PILRB: variants seen among roughly 807,000 people sequenced by gnomAD.
PILRB encodes the protein paired immunoglobin like type 2 receptor beta, also known as paired immunoglobulin-like type 2 receptor beta.
Under a neutral mutation model 20.5 loss-of-function variants are expected in PILRB, and 21 were observed. That is an observed-to-expected ratio of 1.02 (90% CI 0.72 to 1.47). The LOEUF is 1.47. Among genes scored for constraint, PILRB ranks in the 40% most tolerant of loss-of-function variants. The pLI, the probability that PILRB is intolerant of heterozygous loss-of-function variation, is 0.00. For synonymous variants in PILRB, 133 were observed against 115.1 expected, an observed-to-expected ratio of 1.16 and a Z score of -0.99; for missense variants, 253 against 272.1, an observed-to-expected ratio of 0.93 and a Z score of 0.49.
chr7:100,366,874 G>A (rs1226224141), intron 3 of PILRB, among the ~76,000 whole-genome samples: 2 of 152,116 alleles, frequency 1.3e-5, no homozygotes, highest in East Asian at 3.9e-4. Context: ...TGCGGGGGCG[G>A]TTTCAGGAGA....
chr7:100,361,904 A>ACCTATG (rs1790538391), intron 3 of PILRB, among the ~76,000 whole-genome samples: 1 of 151,950 alleles, frequency 6.6e-6, no homozygotes, highest in Non-Finnish European at 1.5e-5. Flanking sequence ...GAGTGGAGAC[A>ACCTATG]GTCAGTATGA....
Position 100,359,444 on chromosome 7 carries a change from A to G in PILRB, c.562A>G (p.Thr188Ala), listed in dbSNP as rs995541931. The G allele has an allele frequency of 3.1e-6, 5 of 1,614,074 alleles. No homozygotes were observed. Among genetic ancestry groups the G allele is most frequent in the African/African-American group, 1.3e-5 (1 of 74,934 alleles). Residue 188 changes from threonine (T) to alanine (A), a missense_variant, in exon 3 of 4, where the codon ACT becomes GCT. Thr to Ala is a moderately conservative substitution (Grantham distance 58). Transcript: ENST00000609309. ...AGAATCATGGCACCTAAGTCTGGAC[A>G]CTGCCATCAGGGTTGCATTGGCTGT... ...HSESWHLSLD[T>A]AIRVALAVAV...
At chr7:100,364,825 T>C (rs903614374) in intron 3 of PILRB, among the ~76,000 whole-genome samples, 1 of 152,050 alleles carries the variant, frequency 6.6e-6, no homozygotes, top group African/African-American at 2.4e-5. Context: ...CAAAATACGG[T>C]GTCTGTAGTC....
At position 100,358,384 on chromosome 7, in the gene PILRB, C is replaced by T. The variant is rs376440840; in HGVS notation, c.64+18C>T. 90 of 1,610,816 alleles carry T rather than the reference C, an allele frequency of 5.6e-5. No individual in the cohort carries two copies. Among genetic ancestry groups the T allele is most frequent in the Non-Finnish European group, 7.1e-5 (84 of 1,179,700 alleles). On this transcript the variant is annotated intron_variant, in intron 1 of 3. Coordinates refer to ENST00000609309, the MANE Select transcript of PILRB (RefSeq NM_178238.4). ...GCAGCCTGGTGAGTACCCAGGACCG[C>T]CCAGGTATGGTCTCTGCCCAAACCA...
chr7:100,362,115 G>T (rs962291806), intron 3 of PILRB, among the ~76,000 whole-genome samples: 1 of 152,022 alleles, frequency 6.6e-6, no homozygotes, highest in Non-Finnish European at 1.5e-5. Flanking sequence ...CAAAATAGTA[G>T]ATTACAAAGG....
intron 1 of PILRB, 55 bp downstream of exon 1, chr7:100,358,421 A>G (rs2130091661): frequency 1.3e-6 from 2 of 1,585,204 alleles, no homozygotes; most frequent in South Asian, 2.2e-5. Context: ...AGGAGGGGCC[A>G]ACCCAAGACA....
intron 2 of PILRB, 32 bp from the exon 3 acceptor site, chr7:100,359,305 A>C (rs757626755): frequency 1.2e-6 from 2 of 1,609,714 alleles, no homozygotes; most frequent in Non-Finnish European, 1.7e-6. Flanking sequence ...ACACCCCCAG[A>C]AGAGGGTCTG....
At chr7:100,366,363 G>A (rs937532598) in intron 3 of PILRB, among the ~76,000 whole-genome samples, 2 of 152,192 alleles carry the variant, frequency 1.3e-5, no homozygotes, top group Non-Finnish European at 2.9e-5. Context: ...TGTAGAAGTG[G>A]AAGGGGAGGT....
At chr7:100,361,629 G>A (rs1472844831) in intron 3 of PILRB, among the ~76,000 whole-genome samples, 1 of 152,150 alleles carries the variant, frequency 6.6e-6, no homozygotes, top group African/African-American at 2.4e-5. Flanking sequence ...GGAGGTGGAG[G>A]CTGCAGTGAG....
At position 100,367,365 on chromosome 7, in the gene PILRB, C is replaced by T. The variant is rs771813972; in HGVS notation, c.672C>T (p.Ser224=). The T allele has an allele frequency of 2.6e-6, 2 of 780,982 alleles. No individual in the cohort carries two copies. Among genetic ancestry groups the T allele is most frequent in the South Asian group, 2.7e-5 (2 of 74,622 alleles). The allele number at this position is 780,982 out of a possible 1,614,324, so 48.4% of individuals were successfully genotyped here. ...CTCCTGCAGGTAGCAGGGCGCCAAGCAGTGACTTCTGACCAACAGAGTGTG... is the reference window on the plus strand; with the variant it reads ...CTCCTGCAGGTAGCAGGGCGCCAAGTAGTGACTTCTGACCAACAGAGTGTG... ...WRRRKGSRAP[S]SDF The change falls in exon 4 of 4, where the codon AGC becomes AGT. Residue 224 remains serine, a synonymous_variant. Transcript: ENST00000609309.
chr7:100,367,386 G>C lies in PILRB; in HGVS notation c.*9G>C, dbSNP rs761767979. 3.8e-6 allele frequency: 3 copies of C among 781,036 alleles called. No individual in the cohort carries two copies. The South Asian group carries it at 4.0e-5, about 10-fold the overall frequency. 48.4% of individuals were successfully genotyped at this position (781,036 alleles called of 1,614,324 possible). Reference sequence around the variant, plus strand: ...CAAGCAGTGACTTCTGACCAACAGAGTGTGGGGAGAAGGGATGTGTATTAG... The same window carrying C: ...CAAGCAGTGACTTCTGACCAACAGACTGTGGGGAGAAGGGATGTGTATTAG... On this transcript the variant is annotated 3_prime_UTR_variant, in exon 4 of 4. Transcript: ENST00000609309.
intron 2 of PILRB, 114 bp from the exon 3 acceptor site, chr7:100,359,223 G>C (rs999294090): frequency 2.0e-6 from 3 of 1,503,466 alleles, no homozygotes; most frequent in Non-Finnish European, 2.8e-6. Context: ...CTGGGCTTCT[G>C]AGAGCAGCTT....
At chr7:100,364,875 G>C (rs1790631459) in intron 3 of PILRB, among the ~76,000 whole-genome samples, 1 of 152,090 alleles carries the variant, frequency 6.6e-6, no homozygotes, top group South Asian at 2.1e-4. Flanking sequence ...AATGACCTGA[G>C]CCCAGGAGGT....
chr7:100,363,773 G>A (rs1006908514), intron 3 of PILRB, among the ~76,000 whole-genome samples: 11 of 152,152 alleles, frequency 7.2e-5, no homozygotes, highest in South Asian at 2.1e-4. Flanking sequence ...ATTTCAAAAT[G>A]TATTAAAAAC....
chr7:100,367,489 C>G lies in PILRB; in HGVS notation c.*112C>G, dbSNP rs902094203. ...CATTGGCAAGATACATGGAGAGCAC[C>G]CTGAGGACCTTTAAAAGGCAAAGCC... is the stretch of plus-strand genomic sequence containing the variant. On this transcript the variant is annotated 3_prime_UTR_variant, in exon 4 of 4. Transcript: ENST00000609309. The G allele has an allele frequency of 2.7e-6, 2 of 738,024 alleles. No homozygotes were observed. 45.7% of individuals were successfully genotyped at this position (738,024 alleles called of 1,614,324 possible).
At chr7:100,365,573 C>T (rs1321073194) in intron 3 of PILRB, among the ~76,000 whole-genome samples, 2 of 152,056 alleles carry the variant, frequency 1.3e-5, no homozygotes, top group African/African-American at 4.8e-5. Context: ...GAGGAACATG[C>T]CTTGGAAGGC....
At position 100,360,134 on chromosome 7, in the gene PILRB, A is replaced by C. The variant is rs374271664; in HGVS notation, c.655+597A>C. The stretch of plus-strand genomic sequence containing the variant: ...CACGCTCCCCTGAAGGTTCCTGGGG[A>C]GGGGAGGGCCTGCCCTGGGAAAAGA... On this transcript the variant is annotated intron_variant, in intron 3 of 3. Coordinates refer to ENST00000609309, the MANE Select transcript of PILRB (RefSeq NM_178238.4). Among the ~76,000 whole-genome samples the C allele has an allele frequency of 2.6e-5, 4 of 152,266 alleles. No homozygotes were observed. In the East Asian group the frequency reaches 7.7e-4, roughly 29 times the overall value.
rs1790735344 is a variant in PILRB, at chr7:100,367,650, T to C, written c.*273T>C. 2.1e-6 allele frequency: 1 copy of C among 485,556 alleles called. No homozygotes were observed. The highest frequency in any genetic ancestry group is 3.7e-6 in the Non-Finnish European group (1 of 271,892). The allele number at this position is 485,556 out of a possible 1,614,324, so 30.1% of individuals were successfully genotyped here. On this transcript the variant is annotated 3_prime_UTR_variant, in exon 4 of 4. Transcript: ENST00000609309. ...CTCCACTGAATTAAACCACTGGCAT[T>C]TGGGGGCTGTTTATTATAGCAGTGC... is the stretch of plus-strand genomic sequence containing the variant.
chr7:100,359,356 C>T lies in PILRB; in HGVS notation c.474C>T (p.Thr158=), dbSNP rs1790460682. The T allele has an allele frequency of 2.5e-6, 4 of 1,614,190 alleles. No homozygotes were observed. The highest frequency in any genetic ancestry group is 2.5e-6 in the Non-Finnish European group (3 of 1,180,032). The change falls in exon 3 of 4, where the codon ACC becomes ACT. Residue 158 remains threonine (T), a synonymous_variant. Transcript: ENST00000609309. ...TITQAVTTTT[T]WRPSSTTTIA... ...TTCCAGCTGTCACAACCACCACCAC[C>T]TGGAGGCCCAGCAGCACAACCACCA...
Sources: allele counts gnomAD v4.1 joint callset (sites outside exome capture counted in the v4.1 genomes callset), GRCh38; gene constraint gnomAD v4.1.1; transcripts MANE v1.5; gene names NCBI Gene and HGNC (gene_info 2026-07-23, HGNC 2026-07-21).